Variants in CYLC1 observed in about 807,000 individuals in gnomAD.
CYLC1 encodes the protein cylicin 1.
A neutral mutation model predicts 31.6 loss-of-function variants in CYLC1; 2 were observed. The ratio of observed to expected loss-of-function variants is 0.06; its 90% CI spans 0.03 to 0.20. The LOEUF is 0.20. Among genes scored for constraint, CYLC1 ranks in the 10% least tolerant of loss-of-function variants. The pLI is 1.00. For missense variants in CYLC1, 595 were observed against 424.1 expected (o/e 1.40, Z -3.54); for synonymous variants, 185 against 153.0 (o/e 1.21, Z -1.54).
At chrX:83,878,551 T>G (rs2031862590) in intron 4 of CYLC1, among the ~76,000 whole-genome samples, 1 of 84,305 alleles carries the variant, frequency 1.2e-5, no homozygotes, top group South Asian at 5.6e-4. Context: ...TGAAAATATA[T>G]ATTTTAATAT....
intron 4 of CYLC1, among the ~76,000 whole-genome samples, chrX:83,883,693 G>A (rs1395218992): frequency 1.8e-5 from 2 of 111,657 alleles, no homozygotes; most frequent in African/African-American, 3.2e-5. Context: ...TAAAAAGTAA[G>A]CTGCATGATG....
chrX:83,878,853 CT>C (rs1334995157), intron 4 of CYLC1, among the ~76,000 whole-genome samples: 344 of 94,303 alleles, frequency 3.6e-3, no homozygotes, highest in Middle Eastern at 5.5e-3. Flanking sequence ...TTTCTCCTTC[CT>C]TTTTTTTTTT....
intron 1 of CYLC1, among the ~76,000 whole-genome samples, chrX:83,862,375 CAA>C (rs754165765): frequency 1.9e-4 from 11 of 58,838 alleles, no homozygotes; most frequent in African/African-American, 3.3e-4. Flanking sequence ...ACTAAAAATA[CAA>C]AAAAAAAAAA....
intron 4 of CYLC1, among the ~76,000 whole-genome samples, chrX:83,880,217 T>C (rs937667115): frequency 5.4e-5 from 6 of 112,087 alleles, no homozygotes; most frequent in African/African-American, 1.9e-4. Flanking sequence ...ACTAAATTTT[T>C]ACATAATCAA....
chrX:83,864,414 C>A (rs891744631), intron 1 of CYLC1, among the ~76,000 whole-genome samples: 7 of 110,838 alleles, frequency 6.3e-5, no homozygotes, highest in African/African-American at 2.3e-4. Context: ...TTAAAAATCC[C>A]TTTTCCACTT....
rs1157867235 is a variant in CYLC1, at chrX:83,876,043, C to G, written c.1923+1412C>G. 2.7e-5 allele frequency among the ~76,000 whole-genome samples: 3 copies of G among 110,854 alleles called. No homozygotes were observed. In the East Asian group the frequency reaches 8.5e-4, roughly 31 times the overall value. On this transcript the variant is annotated intron_variant, in intron 4 of 4. Transcript: ENST00000329312. ...AGAAATTTATATTTCCTCTTTTAGG[C>G]TCAGAGAGATCTATTTTATCTTATA... is the stretch of plus-strand genomic sequence containing the variant.
rs181042566 is a variant in CYLC1, at chrX:83,886,637, C to G, written c.*53C>G. On this transcript the variant is annotated 3_prime_UTR_variant, in exon 5 of 5. Coordinates refer to ENST00000329312, the MANE Select transcript of CYLC1 (RefSeq NM_021118.3). The stretch of plus-strand genomic sequence containing the variant: ...AATGGCCTTACCACAGTAAGCACCA[C>G]CTACTCTCAAATGAGCATTTCTACC... 1.2e-3 allele frequency: 1,259 copies of G among 1,022,183 alleles called. 3 individuals are homozygous for G. The highest frequency in any genetic ancestry group is 0.012 in the South Asian group (577 of 50,167). 84.2% of individuals were successfully genotyped at this position (1,022,183 alleles called of 1,213,427 possible). A position where few individuals can be genotyped will look rare whatever the true frequency, so the allele number is the denominator to read the frequency against.
chrX:83,869,889 TG>T lies in CYLC1; in HGVS notation c.43del (p.Asp15IlefsTer21). ...RLLKVNIRTY[D>X]NSIPISESSR... is the part of the protein sequence containing the mutation. ...GGCTAAAAGTAAACATCAGAACATA[TG>T]ATAATTCCATTCCAAGTAAGAATTT... On this transcript the variant is annotated frameshift_variant, in exon 2 of 5. Coordinates refer to ENST00000329312, the MANE Select transcript of CYLC1 (RefSeq NM_021118.3). LOFTEE classifies it high-confidence loss of function. 1.2e-6 allele frequency: 1 copy of T among 836,453 alleles called. No individual in the cohort carries two copies. The highest frequency in any genetic ancestry group is 1.6e-6 in the Non-Finnish European group (1 of 636,294). 68.9% of individuals were successfully genotyped at this position (836,453 alleles called of 1,213,427 possible).
intron 4 of CYLC1, among the ~76,000 whole-genome samples, chrX:83,877,775 A>G (rs1177824928): frequency 2.0e-5 from 2 of 100,747 alleles, no homozygotes; most frequent in Non-Finnish European, 4.0e-5. Flanking sequence ...GGCTTCACTG[A>G]ATTTATATTT....
At chrX:83,875,868 T>C (rs780523418) in intron 4 of CYLC1, among the ~76,000 whole-genome samples, 1 of 110,874 alleles carries the variant, frequency 9.0e-6, no homozygotes, top group African/African-American at 3.3e-5. Context: ...ATTCTAAGCA[T>C]CGTAGGACTG....
intron 4 of CYLC1, among the ~76,000 whole-genome samples, chrX:83,879,294 G>A (rs2031876724): frequency 9.0e-6 from 1 of 110,542 alleles, no homozygotes; most frequent in Admixed American, 9.8e-5. Context: ...GGTAAACAAT[G>A]TTAGCAGCCT....
chrX:83,869,323 G>A (rs906449013), intron 1 of CYLC1, among the ~76,000 whole-genome samples: 1 of 110,512 alleles, frequency 9.0e-6, no homozygotes, highest in African/African-American at 3.3e-5. Flanking sequence ...CAGGTATTAA[G>A]CCTGGTACCC....
intron 4 of CYLC1, among the ~76,000 whole-genome samples, chrX:83,875,148 C>G (rs773414367): frequency 6.1e-4 from 68 of 110,840 alleles, no homozygotes; most frequent in Non-Finnish European, 1.1e-3. Flanking sequence ...TTTATGAGCC[C>G]TCATTATAAC....
At chrX:83,868,699 T>G (rs2031623766) in intron 1 of CYLC1, among the ~76,000 whole-genome samples, 1 of 111,232 alleles carries the variant, frequency 9.0e-6, no homozygotes. Context: ...TTGTGTGACT[T>G]TATCTATATA....
chrX:83,876,707 T>C (rs759948803), intron 4 of CYLC1, among the ~76,000 whole-genome samples: 5 of 110,782 alleles, frequency 4.5e-5, no homozygotes, highest in Non-Finnish European at 5.7e-5. Flanking sequence ...AACTAACCTT[T>C]CTGTCTGGAA....
At chrX:83,870,166 CA>C (rs1386247657) in intron 2 of CYLC1, among the ~76,000 whole-genome samples, 2 of 111,529 alleles carry the variant, frequency 1.8e-5, no homozygotes, top group Non-Finnish European at 3.8e-5. Flanking sequence ...CTTCATAATA[CA>C]AACCAATTTT....
At chrX:83,874,847 G>C (rs1250287131) in intron 4 of CYLC1, among the ~76,000 whole-genome samples, 1 of 110,614 alleles carries the variant, frequency 9.0e-6, no homozygotes, top group Non-Finnish European at 1.9e-5. Context: ...ATTTGGACTA[G>C]AGAAGAGAGA....
rs2031693157 is a variant in CYLC1, at chrX:83,872,958, A to G, written c.250A>G (p.Ile84Val). The G allele has an allele frequency of 8.3e-7, 1 of 1,202,725 alleles. No individual in the cohort carries two copies. The highest frequency in any genetic ancestry group is 1.1e-6 in the Non-Finnish European group (1 of 892,295). The change falls in exon 4 of 5, where the codon ATT (isoleucine) becomes GTT (valine). Residue 84 changes from isoleucine to valine, a missense_variant. Coordinates refer to ENST00000329312, the MANE Select transcript of CYLC1 (RefSeq NM_021118.3). ...HKWIRHSFRK[I>V]LQWPPIYTAA... The stretch of plus-strand genomic sequence containing the variant: ...ATGGATAAGGCATTCTTTCAGAAAA[A>G]TTTTGCAATGGCCACCCATTTACAC...
rs760890261 is a variant in CYLC1, at chrX:83,873,226, A to C, written c.518A>C (p.Lys173Thr). 8.3e-7 allele frequency: 1 copy of C among 1,200,347 alleles called. No individual in the cohort carries two copies. Among genetic ancestry groups the C allele is most frequent in the Non-Finnish European group, 1.1e-6 (1 of 890,066 alleles). ...TCATCACATGAAAATGAACAATCCA[A>C]GAAGTCAAAATCCAGTTCAGAAACT... ...LKSSHENEQSKKSKSSSETNP... is the reference protein window; with the variant it reads ...LKSSHENEQSTKSKSSSETNP... The change falls in exon 4 of 5, where the codon AAG (lysine) becomes ACG (threonine). Residue 173 changes from lysine to threonine, a missense_variant. Lys to Thr is a moderately conservative substitution (Grantham distance 78). Coordinates refer to ENST00000329312, the MANE Select transcript of CYLC1 (RefSeq NM_021118.3).
Sources: allele counts gnomAD v4.1 joint callset (sites outside exome capture counted in the v4.1 genomes callset), GRCh38; gene constraint gnomAD v4.1.1; transcripts MANE v1.5; gene names NCBI Gene and HGNC (gene_info 2026-07-23, HGNC 2026-07-21).